The following FAM53A variants were observed in gnomAD, a reference collection of about 807,000 sequenced individuals.
FAM53A encodes protein FAM53A.
In FAM53A, 28 loss-of-function variants were observed where a neutral mutation model predicts 26.6. The ratio of observed to expected loss-of-function variants is 1.05; its 90% CI spans 0.78 to 1.45. FAM53A has a LOEUF of 1.45. Ranked by LOEUF, FAM53A falls within the 40% of genes most tolerant of loss-of-function variation. FAM53A has a pLI of 0.00. For synonymous variants in FAM53A, 290 were observed against 253.1 expected (o/e 1.15, Z -1.38); for missense variants, 650 against 575.8 (o/e 1.13, Z -1.32).
At chr4:1,601,280 G>A in the FAM53A span, among the ~76,000 whole-genome samples, 2 of 46,296 alleles carry the variant, frequency 4.3e-5, 1 homozygote, top group Non-Finnish European at 1.4e-4. Flanking sequence ...GCACTTTCCT[G>A]GGCACTGCTT....
At chr4:1,658,148 C>G (rs1025698416) in intron 2 of FAM53A, among the ~76,000 whole-genome samples, 2 of 150,816 alleles carry the variant, frequency 1.3e-5, no homozygotes, top group African/African-American at 4.9e-5. Context: ...GTAGCTGGGA[C>G]TACAGAAAGC....
chr4:1,627,513 C>G (rs1168875753), intron 1 of FAM53A, among the ~76,000 whole-genome samples: 2 of 152,188 alleles, frequency 1.3e-5, no homozygotes, highest in African/African-American at 4.8e-5. Context: ...TGGAGCCCAC[C>G]TGGCCACAGC....
At chr4:1,669,488 C>G (rs1026217901) in intron 1 of FAM53A, among the ~76,000 whole-genome samples, 4 of 152,196 alleles carry the variant, frequency 2.6e-5, no homozygotes. Context: ...GCAGATCCGT[C>G]TGTACTGCAG....
In FAM53A at chr4:1,655,395, G is replaced by A. The variant is rs750892433; in HGVS notation, c.465C>T (p.Ser155=). ...TTCCCTGCCGCGTGGCACTCCCGCCGCTGTCGCACCGCCTCTTGGAGACTG... is the reference window on the plus strand; with the variant it reads ...TTCCCTGCCGCGTGGCACTCCCGCCACTGTCGCACCGCCTCTTGGAGACTG... ...WTPVSKRRCD[S]GGSATRQGSP... Residue 155 remains serine (S), a synonymous_variant, in exon 4 of 5, where the codon AGC becomes AGT. Coordinates refer to ENST00000308132, the MANE Select transcript of FAM53A (RefSeq NM_001174070.3). 2.8e-5 allele frequency: 41 copies of A among 1,465,398 alleles called. No individual in the cohort carries two copies. Among genetic ancestry groups the A allele is most frequent in the East Asian group, 7.7e-5 (3 of 38,776 alleles). 90.8% of individuals were successfully genotyped at this position (1,465,398 alleles called of 1,614,324 possible).
In FAM53A at chr4:1,641,031, C is replaced by T. The variant is rs1324017968; in HGVS notation, c.*262G>A. 2 of 511,650 alleles carry T rather than the reference C, an allele frequency of 3.9e-6. No homozygotes were observed. The highest frequency in any genetic ancestry group is 2.2e-5 in the African/African-American group (1 of 44,720). 31.7% of individuals were successfully genotyped at this position (511,650 alleles called of 1,614,324 possible). On this transcript the variant is annotated 3_prime_UTR_variant, in exon 5 of 5. Coordinates refer to ENST00000308132, the MANE Select transcript of FAM53A (RefSeq NM_001174070.3). ...CAGGTGCCGGTGGCAGCCGTGGCCC[C>T]GACCAGCTCACAGGAAACCTACTCT...
At chr4:1,621,794 C>A (rs1226730535) in intron 1 of FAM53A, among the ~76,000 whole-genome samples, 1 of 152,236 alleles carries the variant, frequency 6.6e-6, no homozygotes, top group African/African-American at 2.4e-5. Flanking sequence ...CCCGTGCCGT[C>A]CCTGGCACCG....
the FAM53A span, chr4:1,580,268 G>T: frequency 6.6e-6 from 1 of 152,246 alleles, no homozygotes; most frequent in African/African-American, 2.4e-5. Context: ...ACCAACCGCG[G>T]AGGCCAGGCA....
chr4:1,670,249 C>T (rs750609826), intron 1 of FAM53A, among the ~76,000 whole-genome samples: 11 of 152,268 alleles, frequency 7.2e-5, no homozygotes, highest in Admixed American at 2.0e-4. Flanking sequence ...CTGCGTTCCA[C>T]GCTTAAAATG....
At chr4:1,679,764 T>C (rs969257122) in intron 1 of FAM53A, among the ~76,000 whole-genome samples, 13 of 147,492 alleles carry the variant, frequency 8.8e-5, no homozygotes, top group Non-Finnish European at 1.5e-5. Context: ...CCTCACCAAC[T>C]GGGGCCGGGT....
chr4:1,592,353 G>C, the FAM53A span, among the ~76,000 whole-genome samples: 1 of 152,240 alleles, frequency 6.6e-6, no homozygotes, highest in African/African-American at 2.4e-5. Flanking sequence ...GGGAGGCAGC[G>C]TCAGAGCGCG....
At chr4:1,679,597 AAT>A (rs1715270058) in intron 1 of FAM53A, among the ~76,000 whole-genome samples, 1 of 148,188 alleles carries the variant, frequency 6.7e-6, no homozygotes, top group African/African-American at 2.5e-5. Flanking sequence ...GAGGCAGGAG[AAT>A]CCCTTGAACC....
chr4:1,646,501 C>T (rs1051821098), intron 4 of FAM53A, among the ~76,000 whole-genome samples: 2 of 152,160 alleles, frequency 1.3e-5, no homozygotes, highest in Non-Finnish European at 2.9e-5. Flanking sequence ...TTCTTGGTAC[C>T]AGGAGCTGCT....
At chr4:1,643,419 T>C (rs916186390) in intron 4 of FAM53A, among the ~76,000 whole-genome samples, 3 of 151,718 alleles carry the variant, frequency 2.0e-5, no homozygotes, top group African/African-American at 7.3e-5. Context: ...TGAGCCGAGA[T>C]TGGGCCACTG....
chr4:1,677,056 C>T (rs759217413), intron 1 of FAM53A, among the ~76,000 whole-genome samples: 1 of 152,144 alleles, frequency 6.6e-6, no homozygotes, highest in Non-Finnish European at 1.5e-5. Context: ...TCAGCACTGG[C>T]GGGGCTGTGC....
chr4:1,685,385 C>T (rs1715754928), upstream of FAM53A, among the ~76,000 whole-genome samples: 1 of 151,902 alleles, frequency 6.6e-6, no homozygotes, highest in Non-Finnish European at 1.5e-5. Flanking sequence ...AAAGAGCTAC[C>T]TGTGTCCCCT....
Position 1,640,288 on chromosome 4 carries a change from G to A in FAM53A, c.*1005C>T, listed in dbSNP as rs1711552052. 1.1e-5 allele frequency: 2 copies of A among 184,232 alleles called. No individual in the cohort carries two copies. Among genetic ancestry groups the A allele is most frequent in the South Asian group, 1.1e-4 (1 of 9,256 alleles). The allele number at this position is 184,232 out of a possible 1,614,324, so 11.4% of individuals were successfully genotyped here. On this transcript the variant is annotated 3_prime_UTR_variant, in exon 5 of 5. Coordinates refer to ENST00000308132, the MANE Select transcript of FAM53A (RefSeq NM_001174070.3). ...GGTTCACTGGCACGTGGGTGACAAG[G>A]TTCATGGGCACAGATGCCCATGCGC...
the FAM53A span, among the ~76,000 whole-genome samples, chr4:1,577,095 C>T: frequency 5.3e-4 from 80 of 152,212 alleles, no homozygotes; most frequent in East Asian, 0.015. Flanking sequence ...GGGCACTTCC[C>T]GCACCAGGGT....
At chr4:1,602,718 G>C in the FAM53A span, among the ~76,000 whole-genome samples, 5 of 152,172 alleles carry the variant, frequency 3.3e-5, no homozygotes, top group Non-Finnish European at 5.9e-5. Context: ...AGCGAGACCC[G>C]GTGTAAGGTA....
chr4:1,628,049 G>A (rs1368596463), intron 1 of FAM53A, among the ~76,000 whole-genome samples: 103 of 33,112 alleles, frequency 3.1e-3, no homozygotes, highest in African/African-American at 0.012. Context: ...GGGGGAGGGT[G>A]CACCTCAGGG....
Sources: gnomAD v4.1 joint callset for allele counts (sites outside exome capture counted in the v4.1 genomes callset) on GRCh38, gnomAD v4.1.1 for gene constraint, MANE v1.5 for transcripts, NCBI Gene and HGNC (gene_info 2026-07-23, HGNC 2026-07-21) for gene names.